The following PDC variants were observed in gnomAD, a reference collection of about 807,000 sequenced individuals.
PDC encodes 33 kDa phototransducing protein.
Under a neutral mutation model 22.2 loss-of-function variants are expected in PDC, and 19 were observed. The observed-to-expected ratio is 0.86, with a 90% CI of 0.60 to 1.26. The LOEUF (loss-of-function observed/expected upper bound fraction) is 1.26. Ranked by LOEUF, PDC falls within the 50% of genes most tolerant of loss-of-function variation. The probability of loss-of-function intolerance (pLI) is 0.00; values close to 1 mark genes in which losing one functional copy is unlikely to be tolerated. For synonymous variants in PDC, 97 were observed against 96.2 expected (o/e 1.01, Z -0.05); for missense variants, 274 against 286.8 (o/e 0.96, Z 0.32).
chr1:186,452,320 C>A (rs1167554319), intron 1 of PDC, among the ~76,000 whole-genome samples: 1 of 152,146 alleles, frequency 6.6e-6, no homozygotes, highest in Non-Finnish European at 1.5e-5. Flanking sequence ...CTCACTGCAA[C>A]CTCTGCCTCC....
chr1:186,445,270 A>G (rs978224915), intron 3 of PDC, among the ~76,000 whole-genome samples: 6 of 152,164 alleles, frequency 3.9e-5, no homozygotes, highest in African/African-American at 1.2e-4. Flanking sequence ...AGTAGAGGAG[A>G]ATTGAGAACA....
intron 1 of PDC, among the ~76,000 whole-genome samples, chr1:186,459,779 T>G (rs944332167): frequency 2.8e-5 from 4 of 140,868 alleles, no homozygotes; most frequent in Non-Finnish European, 4.6e-5. Context: ...TATATATATA[T>G]ATTTAAAATG....
At chr1:186,446,844 A>G (rs1354665035) in intron 2 of PDC, among the ~76,000 whole-genome samples, 2 of 152,180 alleles carry the variant, frequency 1.3e-5, no homozygotes, top group East Asian at 3.9e-4. Context: ...AACTACTGGC[A>G]AAAGGTTGGG....
intron 1 of PDC, among the ~76,000 whole-genome samples, chr1:186,454,330 C>T (rs1662415377): frequency 6.6e-6 from 1 of 151,958 alleles, no homozygotes; most frequent in Non-Finnish European, 1.5e-5. Flanking sequence ...AGGCACACGC[C>T]ACTATGCCCA....
intron 1 of PDC, among the ~76,000 whole-genome samples, chr1:186,459,420 C>T (rs1662534340): frequency 6.6e-6 from 1 of 152,124 alleles, no homozygotes; most frequent in Non-Finnish European, 1.5e-5. Context: ...CTTGGCCTCC[C>T]GAGGTGCCGG....
intron 2 of PDC, chr1:186,448,868 G>T (rs1480650147): frequency 6.5e-6 from 1 of 154,464 alleles, no homozygotes; most frequent in Non-Finnish European, 1.4e-5. Flanking sequence ...AAGCTCTTAG[G>T]AGTGGCATAT....
intron 1 of PDC, among the ~76,000 whole-genome samples, chr1:186,455,994 A>AAAATAT (rs1553242743): frequency 1.3e-5 from 1 of 77,092 alleles, no homozygotes; most frequent in Non-Finnish European, 2.1e-5. Flanking sequence ...AAAAAAAAAA[A>AAAATAT]ATATATATAT....
chr1:186,446,849 G>T (rs1662241506), intron 2 of PDC, among the ~76,000 whole-genome samples: 1 of 152,110 alleles, frequency 6.6e-6, no homozygotes, highest in Non-Finnish European at 1.5e-5. Context: ...CTGGCAAAAG[G>T]TTGGGGTTAA....
chr1:186,452,459 A>G (rs544192027), intron 1 of PDC, among the ~76,000 whole-genome samples: 24 of 152,130 alleles, frequency 1.6e-4, no homozygotes, highest in Non-Finnish European at 2.9e-4. Flanking sequence ...GCTGGTCTCG[A>G]TCGCCTGACC....
At chr1:186,454,187 T>C (rs1662407834) in intron 1 of PDC, among the ~76,000 whole-genome samples, 1 of 143,272 alleles carries the variant, frequency 7.0e-6, no homozygotes, top group Non-Finnish European at 1.5e-5. Context: ...TTTTTTTTTT[T>C]TTTTGAGACA....
intron 1 of PDC, among the ~76,000 whole-genome samples, chr1:186,457,885 A>C (rs1277834554): frequency 3.3e-5 from 5 of 152,158 alleles, no homozygotes; most frequent in African/African-American, 1.2e-4. Context: ...CCCCACTCCC[A>C]GTATCTAGAT....
chr1:186,457,080 C>A (rs1458728810), intron 1 of PDC, among the ~76,000 whole-genome samples: 1 of 152,190 alleles, frequency 6.6e-6, no homozygotes, highest in Non-Finnish European at 1.5e-5. Flanking sequence ...CCATACATCT[C>A]CTTAGGTCTC....
chr1:186,446,370 T>C, intron 3 of PDC, 56 bp downstream of exon 3: 3 of 1,310,182 alleles, frequency 2.3e-6, no homozygotes, highest in Non-Finnish European at 2.1e-6. Context: ...TCTAGATTGA[T>C]TTAGATTAGA....
intron 1 of PDC, among the ~76,000 whole-genome samples, chr1:186,455,994 A>AAAAAAT (rs1553242743): frequency 2.6e-4 from 20 of 77,084 alleles, no homozygotes; most frequent in East Asian, 4.0e-4. Flanking sequence ...AAAAAAAAAA[A>AAAAAAT]ATATATATAT....
Position 186,448,721 on chromosome 1 carries a change from A to G in PDC, c.61+678T>C, listed in dbSNP as rs918280069. On this transcript the variant is annotated intron_variant, in intron 2 of 3. Transcript: ENST00000391997. ...GCTATTATAAAATAAATCTCCACACATTTTGGCTGGTACTCTTGTGAATTC... is the reference window on the plus strand; with the variant it reads ...GCTATTATAAAATAAATCTCCACACGTTTTGGCTGGTACTCTTGTGAATTC... 12 of 925,214 alleles carry G rather than the reference A, an allele frequency of 1.3e-5. No individual in the cohort carries two copies. In the Admixed American group the frequency reaches 6.8e-4, roughly 52 times the overall value. The allele number at this position is 925,214 out of a possible 1,614,324, so 57.3% of individuals were successfully genotyped here. A position where few individuals can be genotyped will look rare whatever the true frequency, so the allele number is the denominator to read the frequency against.
intron 1 of PDC, among the ~76,000 whole-genome samples, chr1:186,455,152 A>G (rs1662431847): frequency 6.6e-6 from 1 of 152,202 alleles, no homozygotes; most frequent in South Asian, 2.1e-4. Flanking sequence ...TCTCTAATCA[A>G]GATCTAGTAA....
At chr1:186,459,963 A>G (rs1378788324) in intron 1 of PDC, among the ~76,000 whole-genome samples, 1 of 151,298 alleles carries the variant, frequency 6.6e-6, no homozygotes, top group Non-Finnish European at 1.5e-5. Context: ...ACTGAATTTA[A>G]GAAATATCAA....
At chr1:186,457,506 G>A (rs773217196) in intron 1 of PDC, among the ~76,000 whole-genome samples, 15 of 152,040 alleles carry the variant, frequency 9.9e-5, no homozygotes, top group South Asian at 2.1e-4. Flanking sequence ...ATGATTTTGC[G>A]GATCATAAGT....
At chr1:186,450,199 T>A (rs1662321907) in intron 1 of PDC, among the ~76,000 whole-genome samples, 1 of 152,210 alleles carries the variant, frequency 6.6e-6, no homozygotes, top group African/African-American at 2.4e-5. Context: ...ATCAAATCTT[T>A]GAATTGGCAT....
Sources: gnomAD v4.1 joint callset for allele counts (sites outside exome capture counted in the v4.1 genomes callset) on GRCh38, gnomAD v4.1.1 for gene constraint, MANE v1.5 for transcripts, NCBI Gene and HGNC (gene_info 2026-07-23, HGNC 2026-07-21) for gene names.